Variants in PRKAG2 observed in about 807,000 individuals in gnomAD.
PRKAG2 encodes 5'-AMP-activated protein kinase subunit gamma-2.
A neutral mutation model predicts 69.6 loss-of-function variants in PRKAG2; 26 were observed. The ratio of observed to expected loss-of-function variants is 0.37; its 90% CI spans 0.27 to 0.52. The LOEUF (loss-of-function observed/expected upper bound fraction) is 0.52. Ranked by LOEUF, PRKAG2 falls within the 20% of genes least tolerant of loss-of-function variation. PRKAG2 has a pLI of 0.90. For missense variants in PRKAG2, 557 were observed against 740.0 expected (o/e 0.75, Z 2.87); for synonymous variants, 293 against 285.0 (o/e 1.03, Z -0.28).
intron 4 of PRKAG2, among the ~76,000 whole-genome samples, chr7:151,643,347 A>G (rs1051544147): frequency 1.3e-5 from 2 of 152,236 alleles, no homozygotes; most frequent in African/African-American, 2.4e-5. Context: ...GTACAGAATG[A>G]TATAGTGTCA....
chr7:151,736,201 C>G (rs986048291), intron 3 of PRKAG2: 41 of 1,407,678 alleles, frequency 2.9e-5, no homozygotes, highest in Non-Finnish European at 3.8e-5. Context: ...CACCGCAGCC[C>G]CAGAGTCTGT....
At chr7:151,751,202 A>T (rs1252052267) in intron 3 of PRKAG2, among the ~76,000 whole-genome samples, 1 of 148,084 alleles carries the variant, frequency 6.8e-6, no homozygotes, top group Non-Finnish European at 1.5e-5. Flanking sequence ...GGTTCATGCT[A>T]TTCTCCTGCC....
intron 5 of PRKAG2, among the ~76,000 whole-genome samples, chr7:151,607,549 A>T (rs1225701079): frequency 6.6e-6 from 1 of 152,002 alleles, no homozygotes; most frequent in East Asian, 1.9e-4. Flanking sequence ...TATAAGCATG[A>T]GTCACTGTGC....
At chr7:151,651,148 G>C (rs73728220) in intron 4 of PRKAG2, among the ~76,000 whole-genome samples, 201 of 152,318 alleles carry the variant, frequency 1.3e-3, no homozygotes, top group African/African-American at 4.7e-3. Context: ...CATACTTAGA[G>C]ATTTCTCTGG....
chr7:151,867,778 T>C (rs1412200648), intron 1 of PRKAG2, among the ~76,000 whole-genome samples: 1 of 152,222 alleles, frequency 6.6e-6, no homozygotes, highest in Non-Finnish European at 1.5e-5. Flanking sequence ...GCACTAACCC[T>C]GCGTAAACAT....
Position 151,756,316 on chromosome 7 carries a change from T to G in PRKAG2, c.466+24836A>C, listed in dbSNP as rs1045773505. 6.6e-6 allele frequency among the ~76,000 whole-genome samples: 1 copy of G among 152,180 alleles called. No individual in the cohort carries two copies. The highest frequency in any genetic ancestry group is 2.1e-4 in the South Asian group (1 of 4,834). ...CTTTTAACGTAGGAGCCACCAGAGC[T>G]TCCCCAGGAACCTCTCTGCCTCTGA... On this transcript the variant is annotated intron_variant, in intron 3 of 15. Transcript: ENST00000287878. This position sits in a 1 kb window ranked among gnomAD's most constrained non-coding sequence, Gnocchi z 4.9.
intron 1 of PRKAG2, among the ~76,000 whole-genome samples, chr7:151,819,047 C>T (rs553905883): frequency 7.2e-5 from 11 of 152,308 alleles, no homozygotes; most frequent in Middle Eastern, 3.4e-3. Context: ...AGCTCCCTGG[C>T]GAAATGAGTG....
At chr7:151,811,783 T>G (rs2078434560) in intron 1 of PRKAG2, among the ~76,000 whole-genome samples, 1 of 152,228 alleles carries the variant, frequency 6.6e-6, no homozygotes, top group African/African-American at 2.4e-5. Flanking sequence ...CTAGGTTTCC[T>G]GCTACGTCAC....
chr7:151,831,374 A>G (rs1349321809), intron 1 of PRKAG2, among the ~76,000 whole-genome samples: 1 of 152,254 alleles, frequency 6.6e-6, no homozygotes, highest in East Asian at 1.9e-4. Flanking sequence ...TGGTATATTC[A>G]TACAATGGAA....
intron 5 of PRKAG2, among the ~76,000 whole-genome samples, chr7:151,609,609 C>T (rs191281580): frequency 6.6e-6 from 1 of 152,288 alleles, no homozygotes; most frequent in Non-Finnish European, 1.5e-5. Context: ...GTTCTCTCCC[C>T]ACTGATACTG....
At position 151,791,085 on chromosome 7, in the gene PRKAG2, G is replaced by C. The variant is rs79429717; in HGVS notation, c.115-4544C>G. ...TGGACTCAGGTGTGTGTGCCTGCCT[G>C]GTCATGCAGCCCAACAGGGAAGTCC... On this transcript the variant is annotated intron_variant, in intron 1 of 15. Coordinates refer to ENST00000287878, the MANE Select transcript of PRKAG2 (RefSeq NM_016203.4). Among the ~76,000 whole-genome samples the C allele has an allele frequency of 5.3e-3, 803 of 152,294 alleles. 5 individuals carry two copies. The highest frequency in any genetic ancestry group is 0.018 in the African/African-American group (731 of 41,546).
At chr7:151,683,505 G>A (rs6464162) in intron 3 of PRKAG2, among the ~76,000 whole-genome samples, 52,150 of 151,754 alleles carry the variant, frequency 0.34, 8,990 homozygotes, top group Middle Eastern at 0.39. Context: ...ATTCCTGCCT[G>A]AGGAACGGAA....
intron 8 of PRKAG2, among the ~76,000 whole-genome samples, chr7:151,574,189 G>T (rs1025130944): frequency 1.3e-5 from 2 of 152,134 alleles, no homozygotes. Context: ...CACCTTTTAA[G>T]TACCCCAAAT....
At chr7:151,572,516 A>G in intron 9 of PRKAG2, 148 bp downstream of exon 9, 1 of 642,036 alleles carries the variant, frequency 1.6e-6, no homozygotes, top group Non-Finnish European at 2.8e-6. Context: ...ACAGTAGCAT[A>G]CTATCAAAAT....
chr7:151,623,915 G>A (rs953490439), intron 5 of PRKAG2, among the ~76,000 whole-genome samples: 2 of 152,098 alleles, frequency 1.3e-5, no homozygotes, highest in African/African-American at 4.8e-5. Flanking sequence ...TGTGTGTACT[G>A]GGGAGGAGGT....
intron 3 of PRKAG2, among the ~76,000 whole-genome samples, chr7:151,757,407 C>A (rs933757727): frequency 6.6e-6 from 1 of 152,212 alleles, no homozygotes; most frequent in African/African-American, 2.4e-5. Flanking sequence ...GCTCCCAGCA[C>A]AGATCCTCTG....
Position 151,576,402 on chromosome 7 carries a change from T to G in PRKAG2, c.915A>C (p.Pro305=). 6.2e-7 allele frequency: 1 copy of G among 1,611,786 alleles called. No individual in the cohort carries two copies. Among genetic ancestry groups the G allele is most frequent in the Non-Finnish European group, 8.5e-7 (1 of 1,177,870 alleles). The change falls in exon 7 of 16, where the codon CCA becomes CCC. Residue 305 remains proline, a synonymous_variant. Coordinates refer to ENST00000287878, the MANE Select transcript of PRKAG2 (RefSeq NM_016203.4). Reference sequence around the variant, plus strand: ...AACTTTGTTTTTTACTCTCCCACAGTGGCGCTGCTCGGACACCGTTGGCTA... The same window carrying G: ...AACTTTGTTTTTTACTCTCCCACAGGGGCGCTGCTCGGACACCGTTGGCTA... ...ALVANGVRAA[P]LWESKKQSFV... is the part of the protein sequence containing the mutation.
intron 4 of PRKAG2, among the ~76,000 whole-genome samples, chr7:151,659,478 A>G (rs1388324737): frequency 6.6e-6 from 1 of 152,242 alleles, no homozygotes; most frequent in Non-Finnish European, 1.5e-5. Context: ...GGCATGGATC[A>G]GTATTTGTGT....
intron 3 of PRKAG2, among the ~76,000 whole-genome samples, chr7:151,682,970 A>G (rs1834109993): frequency 6.6e-6 from 1 of 152,234 alleles, no homozygotes; most frequent in Non-Finnish European, 1.5e-5. Flanking sequence ...GGCTCTGGCC[A>G]AAGGACAGAC....
Sources: gnomAD v4.1 joint callset for allele counts (sites outside exome capture counted in the v4.1 genomes callset) on GRCh38, gnomAD v4.1.1 for gene constraint, Gnocchi (gnomAD v3.1) non-coding constraint, MANE v1.5 for transcripts, NCBI Gene and HGNC (gene_info 2026-07-23, HGNC 2026-07-21) for gene names.